The following PCDHA7 variants were observed in gnomAD, a reference collection of about 807,000 sequenced individuals.
The protein encoded by PCDHA7 is protocadherin alpha-7.
A neutral mutation model predicts 57.2 loss-of-function variants in PCDHA7; 37 were observed. The observed-to-expected ratio is 0.65, with a 90% CI of 0.50 to 0.85. The LOEUF (loss-of-function observed/expected upper bound fraction) is 0.85, where lower values mean the gene tolerates loss of function less well. Ranked by LOEUF, PCDHA7 falls within the 40% of genes least tolerant of loss-of-function variation. The probability of loss-of-function intolerance (pLI) is 0.00; values close to 1 mark genes in which losing one functional copy is unlikely to be tolerated. For synonymous variants in PCDHA7, 553 were observed against 558.8 expected, an observed-to-expected ratio of 0.99 and a Z score of 0.15; for missense variants, 1,188 against 1,241.8, an observed-to-expected ratio of 0.96 and a Z score of 0.65.
intron 1 of PCDHA7, chr5:140,882,573 G>A (rs2059201802): frequency 2.5e-6 from 4 of 1,614,234 alleles, no homozygotes; most frequent in Non-Finnish European, 3.4e-6. Flanking sequence ...AGCGCGGAGT[G>A]CAGCATCCAC....
intron 1 of PCDHA7, chr5:140,967,963 A>C (rs1554230144): frequency 6.2e-7 from 1 of 1,614,210 alleles, no homozygotes; most frequent in South Asian, 1.1e-5. Context: ...CCAACCGGAA[A>C]GTGAGCCTGG....
chr5:140,955,234 G>C (rs1373509371), intron 1 of PCDHA7, among the ~76,000 whole-genome samples: 12 of 152,184 alleles, frequency 7.9e-5, no homozygotes, highest in Middle Eastern at 3.4e-3. Flanking sequence ...TTGTTCTTTT[G>C]CTTAGGATCG....
At chr5:140,857,925 A>G (rs1291686886) in intron 1 of PCDHA7, 2 of 1,597,800 alleles carry the variant, frequency 1.3e-6, no homozygotes. Context: ...GTGGGGCTGT[A>G]CACGGGCGAG....
At chr5:140,965,195 T>C (rs1368041910) in intron 1 of PCDHA7, among the ~76,000 whole-genome samples, 3 of 152,198 alleles carry the variant, frequency 2.0e-5, no homozygotes, top group Admixed American at 6.5e-5. Context: ...CATGAGGCAA[T>C]AGATTTCAAA....
chr5:140,870,089 T>C (rs782364525), intron 1 of PCDHA7: 4 of 1,613,796 alleles, frequency 2.5e-6, no homozygotes, highest in Non-Finnish European at 3.4e-6. Flanking sequence ...ACTCCCCCAA[T>C]GGCAGGTCAC....
chr5:141,011,429 A>G lies in PCDHA7; in HGVS notation c.*1492A>G, dbSNP rs1554263477. ...TGTGTATGTGAATGTTAATGCAACT[A>G]TTACCTAGAGTGAACTTTAAGCTTT... On this transcript the variant is annotated 3_prime_UTR_variant, in exon 4 of 4. Coordinates refer to ENST00000525929, the MANE Select transcript of PCDHA7 (RefSeq NM_018910.3). 1.3e-5 allele frequency: 2 copies of G among 153,758 alleles called. No homozygotes were observed. Among genetic ancestry groups the G allele is most frequent in the Non-Finnish European group, 2.9e-5 (2 of 68,036 alleles). 9.5% of individuals were successfully genotyped at this position (153,758 alleles called of 1,614,324 possible).
At chr5:140,850,996 T>A (rs2150505224) in intron 1 of PCDHA7, 3 of 1,441,956 alleles carry the variant, frequency 2.1e-6, no homozygotes, top group South Asian at 1.6e-5. Flanking sequence ...TTTCTAGAAA[T>A]CCAGCAGATT....
At chr5:140,942,927 A>T (rs914550511) in intron 1 of PCDHA7, among the ~76,000 whole-genome samples, 2 of 152,104 alleles carry the variant, frequency 1.3e-5, no homozygotes, top group Non-Finnish European at 2.9e-5. Flanking sequence ...AAAAAAATTG[A>T]AAAAGAGTTT....
At chr5:140,867,140 CATT>C (rs782677875) in intron 1 of PCDHA7, 7 of 152,092 alleles carry the variant, frequency 4.6e-5, no homozygotes, top group Non-Finnish European at 1.0e-4. Context: ...GTGATATTAT[CATT>C]TTTCCAGAGT....
At chr5:140,928,076 A>G (rs2084914697) in intron 1 of PCDHA7, 1 of 1,614,142 alleles carries the variant, frequency 6.2e-7, no homozygotes. Context: ...GACAACTACT[A>G]CAGCCTGCTG....
intron 1 of PCDHA7, chr5:140,863,183 C>A: frequency 1.3e-6 from 1 of 766,218 alleles, no homozygotes; most frequent in Non-Finnish European, 2.2e-6. Context: ...GCCACCGTCA[C>A]CGTGGTGGCG....
At chr5:140,888,394 C>T (rs1554183448) in intron 1 of PCDHA7, among the ~76,000 whole-genome samples, 2 of 152,134 alleles carry the variant, frequency 1.3e-5, no homozygotes, top group African/African-American at 2.4e-5. Flanking sequence ...TGCTAAACAC[C>T]ATCCAATTGC....
At position 140,836,665 on chromosome 5, in the gene PCDHA7, G is replaced by A; in HGVS notation, c.2282G>A (p.Gly761Glu). ...SQQRRQRVCS[G>E]EGPPKTDLMA... The stretch of plus-strand genomic sequence containing the variant: ...CAGAGGCGGCAGAGGGTGTGCTCTG[G>A]GGAGGGCCCACCCAAGACAGACCTC... The change falls in exon 1 of 4, where the codon GGG (glycine) becomes GAG (glutamate). Residue 761 changes from glycine to glutamate, a missense_variant. Gly to Glu is a moderately conservative substitution (Grantham distance 98). Coordinates refer to ENST00000525929, the MANE Select transcript of PCDHA7 (RefSeq NM_018910.3). 1.2e-6 allele frequency: 2 copies of A among 1,613,382 alleles called. No homozygotes were observed. The highest frequency in any genetic ancestry group is 2.2e-5 in the South Asian group (2 of 91,056).
rs782046977 is a variant in PCDHA7 at position 140,968,811 on chromosome 5, A to T, written c.2356-10138A>T. The T allele has an allele frequency of 5.0e-6, 8 of 1,614,086 alleles. No homozygotes were observed. The African/African-American group carries it at 6.7e-5, about 13-fold the overall frequency. The stretch of plus-strand genomic sequence containing the variant: ...GTGGCCATTACAGTAGCTGTGGTGG[A>T]TAGGGTTTCCAAAATCCTCCCTGAC... On this transcript the variant is annotated intron_variant, in intron 1 of 3. Coordinates refer to ENST00000525929, the MANE Select transcript of PCDHA7 (RefSeq NM_018910.3).
At chr5:140,894,957 T>C (rs530563833) in intron 1 of PCDHA7, among the ~76,000 whole-genome samples, 1 of 152,206 alleles carries the variant, frequency 6.6e-6, no homozygotes, top group African/African-American at 2.4e-5. Flanking sequence ...ATGATAAAAA[T>C]ATAATTTTTT....
chr5:140,849,625 T>A, intron 1 of PCDHA7: 1 of 1,598,718 alleles, frequency 6.3e-7, no homozygotes, highest in Non-Finnish European at 8.6e-7. Flanking sequence ...GTGATCGACC[T>A]AGACGCAGAT....
At chr5:140,877,821 T>A in intron 1 of PCDHA7, 1 of 1,603,344 alleles carries the variant, frequency 6.2e-7, no homozygotes, top group East Asian at 2.2e-5. Flanking sequence ...GAGAAGATTG[T>A]TTAAATCCTC....
At position 140,845,330 on chromosome 5, in the gene PCDHA7, G is replaced by C. The variant is rs2150378470; in HGVS notation, c.2355+8592G>C. ...GTTCTCAGGTATTACTTTAATTACTGAATTCTCCTAAACATTTAATTGACT... is the reference window on the plus strand; with the variant it reads ...GTTCTCAGGTATTACTTTAATTACTCAATTCTCCTAAACATTTAATTGACT... On this transcript the variant is annotated intron_variant, in intron 1 of 3. Coordinates refer to ENST00000525929, the MANE Select transcript of PCDHA7 (RefSeq NM_018910.3). Among the ~76,000 whole-genome samples the C allele has an allele frequency of 1.2e-4, 18 of 149,276 alleles. 2 individuals carry two copies. Among genetic ancestry groups the C allele is most frequent in the Non-Finnish European group, 2.2e-4 (15 of 66,728 alleles).
At chr5:140,929,373 C>T (rs1563116244) in intron 1 of PCDHA7, 1 of 1,514,818 alleles carries the variant, frequency 6.6e-7, no homozygotes, top group Non-Finnish European at 8.8e-7. Context: ...GAGATGGCTG[C>T]TAGCTGTGTT....
Sources: gnomAD v4.1 joint callset for allele counts (sites outside exome capture counted in the v4.1 genomes callset) on GRCh38, gnomAD v4.1.1 for gene constraint, MANE v1.5 for transcripts, NCBI Gene and HGNC (gene_info 2026-07-23, HGNC 2026-07-21) for gene names.